The following ANO10 variants were observed in gnomAD, a reference collection of about 807,000 sequenced individuals.
The protein encoded by ANO10 is anoctamin 10.
A neutral mutation model predicts 74.7 loss-of-function variants in ANO10; 77 were observed. The observed-to-expected ratio is 1.03, with a 90% CI of 0.86 to 1.25. The LOEUF (loss-of-function observed/expected upper bound fraction) is 1.25, where lower values mean the gene tolerates loss of function less well. Among genes scored for constraint, ANO10 ranks in the 50% most tolerant of loss-of-function variants. The pLI is 0.00. For missense variants in ANO10, 721 were observed against 778.1 expected, an observed-to-expected ratio of 0.93 and a Z score of 0.87; for synonymous variants, 279 against 284.9, an observed-to-expected ratio of 0.98 and a Z score of 0.21.
intron 1 of ANO10, among the ~76,000 whole-genome samples, chr3:43,635,890 G>C (rs1463325463): frequency 6.6e-6 from 1 of 152,000 alleles, no homozygotes; most frequent in Non-Finnish European, 1.5e-5. Flanking sequence ...AAAGTGCTGG[G>C]ATTACAGGCG....
At chr3:43,561,116 G>C in intron 9 of ANO10, 104 bp downstream of exon 9, 1 of 1,338,106 alleles carries the variant, frequency 7.5e-7, no homozygotes, top group Non-Finnish European at 1.1e-6. Context: ...AGCACTTCTA[G>C]AATAGTCACA....
At chr3:43,456,711 C>CTA (rs1259876657) in intron 11 of ANO10, among the ~76,000 whole-genome samples, 2 of 152,154 alleles carry the variant, frequency 1.3e-5, no homozygotes, top group East Asian at 3.8e-4. Flanking sequence ...ATCAAATATA[C>CTA]CATTGGTGCC....
intron 4 of ANO10, among the ~76,000 whole-genome samples, chr3:43,595,129 C>G (rs1233635099): frequency 1.3e-5 from 2 of 152,094 alleles, no homozygotes; most frequent in Non-Finnish European, 2.9e-5. Context: ...TAAGAGACTA[C>G]CAACCAAAAA....
intron 11 of ANO10, among the ~76,000 whole-genome samples, chr3:43,510,890 C>G (rs962076493): frequency 6.6e-6 from 1 of 152,102 alleles, no homozygotes; most frequent in Non-Finnish European, 1.5e-5. Flanking sequence ...ATATCTCCAG[C>G]TACAGTTGAA....
At position 43,555,207 on chromosome 3, in the gene ANO10, A is replaced by T; in HGVS notation, c.1668+71T>A. ...ATCTCTCTGTAGGGCTTACTTTTTAATTTTTTTTCCCTGTCATAACACCTC... is the reference window on the plus strand; with the variant it reads ...ATCTCTCTGTAGGGCTTACTTTTTATTTTTTTTTCCCTGTCATAACACCTC... On this transcript the variant is annotated intron_variant, in intron 10 of 12. Coordinates refer to ENST00000292246, the MANE Select transcript of ANO10 (RefSeq NM_018075.5). 10 of 1,510,736 alleles carry T rather than the reference A, an allele frequency of 6.6e-6. No individual in the cohort carries two copies. The South Asian group carries it at 1.0e-4, about 16-fold the overall frequency. 93.6% of individuals were successfully genotyped at this position (1,510,736 alleles called of 1,614,324 possible). A position where few individuals can be genotyped will look rare whatever the true frequency, so the allele number is the denominator to read the frequency against.
chr3:43,463,790 T>C (rs970735315), intron 11 of ANO10, among the ~76,000 whole-genome samples: 24 of 152,128 alleles, frequency 1.6e-4, no homozygotes, highest in Admixed American at 9.8e-4. Flanking sequence ...GAAAGCATGA[T>C]TGGTTTTGAA....
chr3:43,611,010 T>C (rs566808397), intron 1 of ANO10, among the ~76,000 whole-genome samples: 83 of 152,320 alleles, frequency 5.4e-4, no homozygotes, highest in African/African-American at 1.9e-3. Flanking sequence ...CAATCCTTTT[T>C]CCTTGGTTCC....
At chr3:43,414,736 C>T (rs2092712280) in intron 12 of ANO10, among the ~76,000 whole-genome samples, 1 of 152,100 alleles carries the variant, frequency 6.6e-6, no homozygotes, top group African/African-American at 2.4e-5. Flanking sequence ...TCTGGAAGAT[C>T]TCTAAGAATG....
intron 1 of ANO10, among the ~76,000 whole-genome samples, chr3:43,645,422 G>T (rs1182410608): frequency 1.3e-5 from 2 of 151,494 alleles, no homozygotes. Flanking sequence ...TCAGGAGGCA[G>T]AGGTTGTAGT....
chr3:43,600,722 A>G (rs1241529218), intron 2 of ANO10, 141 bp from the exon 3 acceptor site: 9 of 753,042 alleles, frequency 1.2e-5, no homozygotes, highest in Non-Finnish European at 2.0e-5. Flanking sequence ...TTCCAAGTAA[A>G]TAACATAAGT....
intron 12 of ANO10, among the ~76,000 whole-genome samples, chr3:43,368,031 T>C (rs2091471839): frequency 6.6e-6 from 1 of 152,110 alleles, no homozygotes; most frequent in African/African-American, 2.4e-5. Flanking sequence ...GCTGCTTTAA[T>C]TTACCCTCCT....
chr3:43,452,138 C>T (rs1373129166), intron 11 of ANO10, among the ~76,000 whole-genome samples: 4 of 152,162 alleles, frequency 2.6e-5, no homozygotes, highest in Non-Finnish European at 4.4e-5. Context: ...TTAGAACACT[C>T]TCTAGGCTTG....
chr3:43,397,490 T>C (rs1490767521), intron 12 of ANO10, among the ~76,000 whole-genome samples: 1 of 152,182 alleles, frequency 6.6e-6, no homozygotes, highest in Admixed American at 6.5e-5. Flanking sequence ...TCTTGGGTCT[T>C]GTTTTTATCA....
chr3:43,643,964 G>A (rs994497865), intron 1 of ANO10, among the ~76,000 whole-genome samples: 16 of 152,122 alleles, frequency 1.1e-4, no homozygotes, highest in African/African-American at 4.8e-5. Flanking sequence ...GATTACATGC[G>A]TGAGCCACCG....
chr3:43,473,551 G>T (rs2075949801), intron 11 of ANO10, among the ~76,000 whole-genome samples: 1 of 152,160 alleles, frequency 6.6e-6, no homozygotes, highest in Admixed American at 6.5e-5. Flanking sequence ...TTTCTCATGT[G>T]TCAATTTACC....
At chr3:43,400,051 C>T (rs1156518379) in intron 12 of ANO10, among the ~76,000 whole-genome samples, 1 of 152,206 alleles carries the variant, frequency 6.6e-6, no homozygotes, top group Non-Finnish European at 1.5e-5. Context: ...AGCTTCTCTG[C>T]TCTAGTTCTC....
At chr3:43,670,158 G>A (rs2084040695) in intron 1 of ANO10, among the ~76,000 whole-genome samples, 1 of 152,034 alleles carries the variant, frequency 6.6e-6, no homozygotes, top group Non-Finnish European at 1.5e-5. Context: ...TTCGTGACAA[G>A]CCTGGGCAAC....
At chr3:43,382,726 C>A (rs1390316002) in intron 12 of ANO10, among the ~76,000 whole-genome samples, 2 of 152,098 alleles carry the variant, frequency 1.3e-5, no homozygotes, top group Non-Finnish European at 2.9e-5. Flanking sequence ...TACAAAAGAT[C>A]ATTCAGGCTA....
rs56213626 is a variant in ANO10, at chr3:43,428,796, C to CAAAAAAAAAAAAAAAAAAAAAAA, written c.1914+3814_1914+3815insTTTTTTTTTTTTTTTTTTTTTTT. On this transcript the variant is annotated intron_variant, in intron 12 of 12. Coordinates refer to ENST00000292246, the MANE Select transcript of ANO10 (RefSeq NM_018075.5). The stretch of plus-strand genomic sequence containing the variant: ...CCAAAATCCTGAAACTTTGTGAATG[C>CAAAAAAAAAAAAAAAAAAAAAAA]AAAAAAAAAAAAAAAAAAAAAAGTC... 9.0e-5 allele frequency among the ~76,000 whole-genome samples: 5 copies of CAAAAAAAAAAAAAAAAAAAAAAA among 55,424 alleles called. 1 individual carries two copies. Among genetic ancestry groups the CAAAAAAAAAAAAAAAAAAAAAAA allele is most frequent in the Non-Finnish European group, 1.3e-4 (4 of 31,072 alleles). 36.4% of individuals were successfully genotyped at this position (55,424 alleles called of 152,430 possible).
Sources: allele counts gnomAD v4.1 joint callset (sites outside exome capture counted in the v4.1 genomes callset), GRCh38; gene constraint gnomAD v4.1.1; transcripts MANE v1.5; gene names NCBI Gene and HGNC (gene_info 2026-07-23, HGNC 2026-07-21).